The following VTI1A variants were observed in gnomAD, a reference collection of about 807,000 sequenced individuals.
The protein encoded by VTI1A is vesicle transport through interaction with t-SNAREs homolog 1A.
Under a neutral mutation model 34.9 loss-of-function variants are expected in VTI1A, and 22 were observed. That is an observed-to-expected ratio of 0.63 (90% CI 0.45 to 0.90). VTI1A has a LOEUF of 0.90. VTI1A is among the 40% of genes least tolerant of loss of function. VTI1A has a pLI of 0.00. For synonymous variants in VTI1A, 87 were observed against 97.3 expected (o/e 0.89, Z 0.62); for missense variants, 268 against 275.6 (o/e 0.97, Z 0.20).
chr10:112,662,070 C>G (rs1338099817), intron 5 of VTI1A, among the ~76,000 whole-genome samples: 1 of 152,172 alleles, frequency 6.6e-6, no homozygotes, highest in Admixed American at 6.5e-5. Flanking sequence ...CTGCACCCAG[C>G]CAAGATTTTA....
intron 7 of VTI1A, among the ~76,000 whole-genome samples, chr10:112,810,006 A>G (rs1252516973): frequency 6.6e-6 from 1 of 152,134 alleles, no homozygotes; most frequent in Non-Finnish European, 1.5e-5. Context: ...GGTCATAAAT[A>G]ACAGAAAACC....
intron 7 of VTI1A, among the ~76,000 whole-genome samples, chr10:112,731,745 C>T (rs1033512387): frequency 1.3e-5 from 2 of 152,096 alleles, no homozygotes; most frequent in Non-Finnish European, 2.9e-5. Flanking sequence ...TTGTAGATTA[C>T]TTTCATATGT....
rs184866492 is a variant in VTI1A, at chr10:112,500,780, C to G, written c.265-26307C>G. On this transcript the variant is annotated intron_variant, in intron 3 of 7. Transcript: ENST00000393077. ...TACCGTTTTCTCTTACAATTCTTTT[C>G]CTTTCACCCTTTGCCCATACATGCT... Among the ~76,000 whole-genome samples, 56 of 152,298 alleles carry G rather than the reference C, an allele frequency of 3.7e-4. 1 individual carries two copies. The highest frequency in any genetic ancestry group is 2.7e-3 in the Admixed American group (41 of 15,300).
chr10:112,669,096 C>A, intron 7 of VTI1A, 98 bp downstream of exon 7: 2 of 1,394,924 alleles, frequency 1.4e-6, no homozygotes, highest in Non-Finnish European at 1.0e-6. Flanking sequence ...TGCTTTTGAG[C>A]TTCTGCTCTT....
At chr10:112,505,677 A>ATT (rs112379213) in intron 3 of VTI1A, among the ~76,000 whole-genome samples, 12 of 143,500 alleles carry the variant, frequency 8.4e-5, no homozygotes, top group African/African-American at 1.3e-4. Flanking sequence ...AAATCACATA[A>ATT]TTTTTTTTTT....
intron 5 of VTI1A, among the ~76,000 whole-genome samples, chr10:112,565,968 A>G (rs977442550): frequency 2.6e-5 from 4 of 152,108 alleles, no homozygotes; most frequent in Non-Finnish European, 4.4e-5. Flanking sequence ...TTGTAACTTA[A>G]GCATGTGAAG....
intron 5 of VTI1A, among the ~76,000 whole-genome samples, chr10:112,589,018 C>CTTTTT (rs3057340): frequency 7.7e-6 from 1 of 129,252 alleles, no homozygotes; most frequent in Admixed American, 7.6e-5. Context: ...GACTCCTTGT[C>CTTTTT]TTTTTTTTTT....
rs571322575 is a variant in VTI1A, at chr10:112,496,196, C to A, written c.265-30891C>A. Among the ~76,000 whole-genome samples, 10 of 122,494 alleles carry A rather than the reference C, an allele frequency of 8.2e-5. 2 individuals are homozygous for A. Among genetic ancestry groups the A allele is most frequent in the South Asian group, 3.7e-4 (1 of 2,728 alleles). 80.4% of individuals were successfully genotyped at this position (122,494 alleles called of 152,430 possible). ...AGGCAAATGGGGAGACCCCCCCCCC[C>A]CCCCCGCCGTCTCTAAACAAAATAA... On this transcript the variant is annotated intron_variant, in intron 3 of 7. Coordinates refer to ENST00000393077, the MANE Select transcript of VTI1A (RefSeq NM_145206.4).
At chr10:112,655,042 C>T (rs1029831735) in intron 5 of VTI1A, among the ~76,000 whole-genome samples, 1 of 152,192 alleles carries the variant, frequency 6.6e-6, no homozygotes, top group African/African-American at 2.4e-5. Context: ...CCAACCCTTA[C>T]AGTAAAACAG....
chr10:112,800,969 C>T (rs1206718882), intron 7 of VTI1A, among the ~76,000 whole-genome samples: 1 of 152,094 alleles, frequency 6.6e-6, no homozygotes, highest in Non-Finnish European at 1.5e-5. Context: ...CAGTTTGGCT[C>T]CAAAAATGAG....
chr10:112,805,103 C>T (rs982239382), intron 7 of VTI1A, among the ~76,000 whole-genome samples: 3 of 151,642 alleles, frequency 2.0e-5, no homozygotes, highest in African/African-American at 4.8e-5. Context: ...TGCCCTCAAG[C>T]GATCCTCCCA....
chr10:112,777,242 A>G (rs1288899318), intron 7 of VTI1A, among the ~76,000 whole-genome samples: 4 of 152,228 alleles, frequency 2.6e-5, no homozygotes, highest in African/African-American at 9.6e-5. Context: ...AAAAAAGACA[A>G]GTTCCCAGGT....
intron 1 of VTI1A, among the ~76,000 whole-genome samples, chr10:112,451,170 C>T (rs770339930): frequency 6.6e-5 from 10 of 152,190 alleles, no homozygotes; most frequent in Non-Finnish European, 1.2e-4. Context: ...CTGCTACTTA[C>T]TAGATGTGCA....
At chr10:112,716,103 A>G (rs1263054627) in intron 7 of VTI1A, among the ~76,000 whole-genome samples, 1 of 152,156 alleles carries the variant, frequency 6.6e-6, no homozygotes, top group South Asian at 2.1e-4. Context: ...GAAGGGATGG[A>G]TCTGAGGAAG....
intron 5 of VTI1A, among the ~76,000 whole-genome samples, chr10:112,547,197 T>C (rs1237494724): frequency 6.6e-6 from 1 of 152,062 alleles, no homozygotes; most frequent in Non-Finnish European, 1.5e-5. Context: ...GGAGGATGAC[T>C]TGAGCCCAGG....
rs1393325305 is a variant in VTI1A at position 112,496,086 on chromosome 10, G to A, written c.265-31001G>A. 3.3e-5 allele frequency among the ~76,000 whole-genome samples: 5 copies of A among 150,416 alleles called. No individual in the cohort carries two copies. The South Asian group carries it at 8.4e-4, about 25-fold the overall frequency. On this transcript the variant is annotated intron_variant, in intron 3 of 7. Transcript: ENST00000393077. ...TTTAAAGCCTGACTTGGCCAGGTGCGATGGCTCACGCCTGTAATCCCAGCA... is the reference window on the plus strand; with the variant it reads ...TTTAAAGCCTGACTTGGCCAGGTGCAATGGCTCACGCCTGTAATCCCAGCA...
chr10:112,715,849 A>G (rs1849590725), intron 7 of VTI1A, among the ~76,000 whole-genome samples: 1 of 152,222 alleles, frequency 6.6e-6, no homozygotes, highest in African/African-American at 2.4e-5. Context: ...CATATCTAAG[A>G]CTGGTGTATT....
In VTI1A at chr10:112,623,049, GA is replaced by G. The variant is rs1162447317; in HGVS notation, c.428-45165del. ...ATGCTCAGGATTGGGTGGTACACCT[GA>G]AAAGGCTCGGATTTTAATGGGGCCT... On this transcript the variant is annotated intron_variant, in intron 5 of 7. Coordinates refer to ENST00000393077, the MANE Select transcript of VTI1A (RefSeq NM_145206.4). Among the ~76,000 whole-genome samples the G allele has an allele frequency of 2.0e-5, 3 of 152,218 alleles. No homozygotes were observed. The East Asian group carries it at 5.8e-4, about 29-fold the overall frequency.
chr10:112,750,202 T>A (rs1851053907), intron 7 of VTI1A, among the ~76,000 whole-genome samples: 1 of 152,088 alleles, frequency 6.6e-6, no homozygotes, highest in African/African-American at 2.4e-5. Flanking sequence ...TTGTTTTTGT[T>A]TTTTGAGGTA....
Sources: gnomAD v4.1 joint callset for allele counts (sites outside exome capture counted in the v4.1 genomes callset) on GRCh38, gnomAD v4.1.1 for gene constraint, MANE v1.5 for transcripts, NCBI Gene and HGNC (gene_info 2026-07-23, HGNC 2026-07-21) for gene names.